The following GPC5 variants were observed in gnomAD, a reference collection of about 807,000 sequenced individuals.
The protein encoded by GPC5 is glypican-5.
GPC5 carries 47 observed loss-of-function variants against 53.9 expected under a neutral mutation model. The observed-to-expected ratio is 0.87, with a 90% confidence interval of 0.69 to 1.11. The LOEUF is 1.11. Among genes scored for constraint, GPC5 ranks in the 50% most tolerant of loss-of-function variants. The probability of loss-of-function intolerance (pLI) is 0.00; values close to 1 mark genes in which losing one functional copy is unlikely to be tolerated. For synonymous variants in GPC5, 286 were observed against 263.3 expected (o/e 1.09, Z -0.84); for missense variants, 748 against 713.1 (o/e 1.05, Z -0.56).
At chr13:92,656,852 A>G (rs1886153812) in intron 7 of GPC5, among the ~76,000 whole-genome samples, 1 of 152,210 alleles carries the variant, frequency 6.6e-6, no homozygotes. Flanking sequence ...TACTCTTACG[A>G]GTCTGAGGAC....
intron 7 of GPC5, among the ~76,000 whole-genome samples, chr13:92,744,581 G>A (rs569574131): frequency 2.0e-5 from 3 of 151,162 alleles, no homozygotes; most frequent in South Asian, 4.2e-4. Flanking sequence ...TATCTAAAAA[G>A]AAACTGCCAA....
At chr13:92,685,563 T>TTTTTTTTTAA (rs1887245689) in intron 7 of GPC5, among the ~76,000 whole-genome samples, 1 of 138,596 alleles carries the variant, frequency 7.2e-6, no homozygotes, top group African/African-American at 2.8e-5. Context: ...TTTTTTAATT[T>TTTTTTTTTAA]TTTTTTTTTT....
chr13:92,173,263 GT>G (rs964983462), intron 7 of GPC5, among the ~76,000 whole-genome samples: 4 of 151,918 alleles, frequency 2.6e-5, no homozygotes, highest in Non-Finnish European at 4.4e-5. Context: ...CATTAAATTT[GT>G]TTTCCTGGCC....
chr13:92,598,655 C>T (rs1883951840), intron 7 of GPC5, among the ~76,000 whole-genome samples: 2 of 152,058 alleles, frequency 1.3e-5, no homozygotes, highest in Admixed American at 1.3e-4. Flanking sequence ...AGTAGCATTT[C>T]AAAATAAATT....
chr13:92,173,960 T>C (rs2042088798), intron 7 of GPC5, among the ~76,000 whole-genome samples: 1 of 151,612 alleles, frequency 6.6e-6, no homozygotes, highest in Non-Finnish European at 1.5e-5. Flanking sequence ...CAAAAATTAG[T>C]TGGGTGTGGT....
intron 7 of GPC5, among the ~76,000 whole-genome samples, chr13:92,810,211 T>C (rs185194819): frequency 3.3e-5 from 5 of 150,418 alleles, no homozygotes; most frequent in African/African-American, 1.0e-4. Flanking sequence ...GTGCTTTTAT[T>C]AATCACTTCT....
chr13:92,320,986 AC>A (rs2043211938), intron 7 of GPC5, among the ~76,000 whole-genome samples: 1 of 152,140 alleles, frequency 6.6e-6, no homozygotes, highest in Non-Finnish European at 1.5e-5. Flanking sequence ...GAGTTATTTT[AC>A]TTGATATTAG....
At chr13:92,153,406 G>A (rs1434263721) in intron 7 of GPC5, among the ~76,000 whole-genome samples, 1 of 152,126 alleles carries the variant, frequency 6.6e-6, no homozygotes, top group Non-Finnish European at 1.5e-5. Flanking sequence ...CCAAAGTGCT[G>A]GGATTACAAG....
chr13:91,792,675 C>T (rs2037985365), intron 5 of GPC5, among the ~76,000 whole-genome samples: 1 of 152,176 alleles, frequency 6.6e-6, no homozygotes, highest in African/African-American at 2.4e-5. Flanking sequence ...AGCTATTCCA[C>T]TGTTAGGTTA....
intron 7 of GPC5, among the ~76,000 whole-genome samples, chr13:92,410,998 A>T (rs1271356900): frequency 6.6e-6 from 1 of 152,186 alleles, no homozygotes; most frequent in Non-Finnish European, 1.5e-5. Context: ...ACTTTGGGAG[A>T]CCAAGGCAGG....
chr13:92,144,388 A>G (rs1051520901), intron 6 of GPC5, among the ~76,000 whole-genome samples: 4 of 152,240 alleles, frequency 2.6e-5, no homozygotes, highest in African/African-American at 9.6e-5. Context: ...TTCTTTAGAC[A>G]GAATCATTTT....
At chr13:91,488,161 G>A (rs555066045) in intron 2 of GPC5, among the ~76,000 whole-genome samples, 49 of 152,198 alleles carry the variant, frequency 3.2e-4, no homozygotes, top group African/African-American at 1.1e-3. Context: ...GGCATATATG[G>A]TCATGATGAT....
chr13:92,649,213 C>A (rs1885878437), intron 7 of GPC5, among the ~76,000 whole-genome samples: 1 of 152,074 alleles, frequency 6.6e-6, no homozygotes, highest in South Asian at 2.1e-4. Context: ...AACATTTAAT[C>A]CAAGTTCAAT....
intron 5 of GPC5, among the ~76,000 whole-genome samples, chr13:91,852,649 G>A (rs75075274): frequency 0.036 from 5,440 of 152,082 alleles, 133 homozygotes; most frequent in Middle Eastern, 0.061. Context: ...ATTTTCTTGG[G>A]AGTATGTCTT....
rs544171635 is a variant in GPC5 at position 92,212,937 on chromosome 13, A to C, written c.1561+67948A>C. On this transcript the variant is annotated intron_variant, in intron 7 of 7. Transcript: ENST00000377067. ...TGTCATCCTTAGGCTCTATCACCAA[A>C]ATCCCTTGGCAATGTAGCCAGTCAA... Among the ~76,000 whole-genome samples, 26 of 152,290 alleles carry C rather than the reference A, an allele frequency of 1.7e-4. No individual in the cohort carries two copies. In the East Asian group the frequency reaches 3.9e-3, roughly 23 times the overall value.
chr13:92,218,664 GA>G (rs567862864), intron 7 of GPC5, among the ~76,000 whole-genome samples: 79 of 152,254 alleles, frequency 5.2e-4, no homozygotes, highest in African/African-American at 1.7e-3. Context: ...GGTGCTGTAT[GA>G]GAACCTAAGT....
At chr13:91,556,869 A>G (rs964184133) in intron 2 of GPC5, among the ~76,000 whole-genome samples, 2 of 151,888 alleles carry the variant, frequency 1.3e-5, no homozygotes, top group African/African-American at 4.8e-5. Flanking sequence ...TGGGTTCAGT[A>G]TATACTGCTC....
intron 7 of GPC5, among the ~76,000 whole-genome samples, chr13:92,421,299 A>G (rs777348953): frequency 1.3e-5 from 2 of 152,208 alleles, no homozygotes; most frequent in Non-Finnish European, 2.9e-5. Flanking sequence ...AAAAGGGAAC[A>G]TGGACTGTGA....
Position 92,214,876 on chromosome 13 carries a change from T to C in GPC5, c.1561+69887T>C, listed in dbSNP as rs370783636. On this transcript the variant is annotated intron_variant, in intron 7 of 7. Transcript: ENST00000377067. ...AGACAGCTCCATGAGAAAGTCTGAA[T>C]TGGCTGTTGCTGGTTTTGAAGACAG... Among the ~76,000 whole-genome samples the C allele has an allele frequency of 1.3e-4, 20 of 152,308 alleles. 1 individual carries two copies. Among genetic ancestry groups the C allele is most frequent in the African/African-American group, 4.6e-4 (19 of 41,576 alleles).
Sources: allele counts gnomAD v4.1 joint callset (sites outside exome capture counted in the v4.1 genomes callset), GRCh38; gene constraint gnomAD v4.1.1; transcripts MANE v1.5; gene names NCBI Gene and HGNC (gene_info 2026-07-23, HGNC 2026-07-21).